Variants in MYZAP observed in about 807,000 individuals in gnomAD.
MYZAP encodes the protein myocardial zonula adherens protein, also known as GRINL1A complex locus upstream.
Under a neutral mutation model 69.4 loss-of-function variants are expected in MYZAP, and 66 were observed. That is an observed-to-expected ratio of 0.95 (90% CI 0.78 to 1.17). The LOEUF (loss-of-function observed/expected upper bound fraction) is 1.17. Among genes scored for constraint, MYZAP ranks in the 50% most tolerant of loss-of-function variants. The pLI is 0.00. For synonymous variants in MYZAP, 256 were observed against 205.9 expected (o/e 1.24, Z -2.09); for missense variants, 611 against 556.2 (o/e 1.10, Z -0.99).
chr15:57,636,430 C>G (rs939962717), intron 8 of MYZAP, among the ~76,000 whole-genome samples: 4 of 152,204 alleles, frequency 2.6e-5, no homozygotes, highest in Non-Finnish European at 4.4e-5. Context: ...CTGCTTATAG[C>G]TTCAGAAGTT....
At chr15:57,643,618 G>A (rs1340574990) in intron 10 of MYZAP, among the ~76,000 whole-genome samples, 1 of 152,196 alleles carries the variant, frequency 6.6e-6, no homozygotes, top group African/African-American at 2.4e-5. Context: ...CTGCCAAGGG[G>A]AAAGTGATCT....
At chr15:57,611,464 G>C (rs58496976) in intron 2 of MYZAP, among the ~76,000 whole-genome samples, 2 of 151,892 alleles carry the variant, frequency 1.3e-5, no homozygotes, top group Non-Finnish European at 2.9e-5. Flanking sequence ...TCCCTTTTCC[G>C]CGGGGGTTAT....
rs774321796 is a variant in MYZAP at position 57,625,917 on chromosome 15, C to G, written c.525+25C>G. 1.3e-5 allele frequency: 20 copies of G among 1,599,732 alleles called. No homozygotes were observed. In the African/African-American group the frequency reaches 2.5e-4, roughly 20 times the overall value. On this transcript the variant is annotated intron_variant, in intron 5 of 12. Transcript: ENST00000267853. ...GGTACTCATCTGCTTACTGCTATGA[C>G]AGGGCAACCCAGCTTAATCAAGAGT...
chr15:57,611,430 AT>A (rs1242860395), intron 2 of MYZAP, among the ~76,000 whole-genome samples: 2 of 151,656 alleles, frequency 1.3e-5, no homozygotes, highest in Non-Finnish European at 2.9e-5. Context: ...GCAGTTCCTG[AT>A]TTTTTTTTCT....
chr15:57,622,815 T>C (rs2035899810), intron 4 of MYZAP, among the ~76,000 whole-genome samples: 1 of 152,218 alleles, frequency 6.6e-6, no homozygotes, highest in African/African-American at 2.4e-5. Flanking sequence ...TTTCTTATTA[T>C]GATATAAAAT....
At chr15:57,659,025 G>T (rs1476501492) in intron 10 of MYZAP, among the ~76,000 whole-genome samples, 2 of 152,132 alleles carry the variant, frequency 1.3e-5, no homozygotes, top group Non-Finnish European at 2.9e-5. Context: ...TTCCAAGTAA[G>T]GAGTTGATGC....
intron 10 of MYZAP, among the ~76,000 whole-genome samples, chr15:57,642,891 G>T (rs191503920): frequency 8.5e-5 from 13 of 152,294 alleles, no homozygotes; most frequent in Non-Finnish European, 4.4e-5. Flanking sequence ...CTCATGGTGG[G>T]GGTGAGCCCT....
Position 57,623,531 on chromosome 15 carries a change from G to A in MYZAP, c.411+1831G>A, listed in dbSNP as rs183196819. Among the ~76,000 whole-genome samples the A allele has an allele frequency of 2.1e-3, 318 of 152,156 alleles. 2 individuals carry two copies. The highest frequency in any genetic ancestry group is 6.6e-3 in the African/African-American group (273 of 41,516). On this transcript the variant is annotated intron_variant, in intron 4 of 12. Coordinates refer to ENST00000267853, the MANE Select transcript of MYZAP (RefSeq NM_001018100.5). Reference sequence around the variant, plus strand: ...GTGGATCATTTGAGGTCAGGAGTTCGAGACCAGCCTGGCCAATGTGGTGAA... The same window carrying A: ...GTGGATCATTTGAGGTCAGGAGTTCAAGACCAGCCTGGCCAATGTGGTGAA...
intron 1 of MYZAP, among the ~76,000 whole-genome samples, chr15:57,601,691 GA>G (rs2034425251): frequency 6.6e-6 from 1 of 152,130 alleles, no homozygotes; most frequent in South Asian, 2.1e-4. Flanking sequence ...GTCCCTGGGG[GA>G]TGATGCTTGC....
At chr15:57,675,494 G>A (rs1192507539) in intron 12 of MYZAP, among the ~76,000 whole-genome samples, 2 of 152,286 alleles carry the variant, frequency 1.3e-5, no homozygotes, top group South Asian at 2.1e-4. Flanking sequence ...AGGGGCATCC[G>A]AGGTGCTTTA....
At chr15:57,678,506 C>CA (rs1454078254) in intron 12 of MYZAP, among the ~76,000 whole-genome samples, 111 of 152,068 alleles carry the variant, frequency 7.3e-4, no homozygotes, top group African/African-American at 2.5e-3. Context: ...ATATAAAATA[C>CA]AAAAAAATCT....
chr15:57,653,316 T>A (rs936985061), intron 10 of MYZAP, among the ~76,000 whole-genome samples: 1 of 152,192 alleles, frequency 6.6e-6, no homozygotes, highest in South Asian at 2.1e-4. Context: ...TTTGACAATT[T>A]CGCAAGGAAA....
intron 2 of MYZAP, among the ~76,000 whole-genome samples, chr15:57,613,272 C>A (rs1436769262): frequency 6.6e-6 from 1 of 152,094 alleles, no homozygotes; most frequent in African/African-American, 2.4e-5. Context: ...AGTATTGTTT[C>A]ATGCCCAGGA....
At chr15:57,593,692 G>A (rs1477258989) in intron 1 of MYZAP, among the ~76,000 whole-genome samples, 1 of 152,184 alleles carries the variant, frequency 6.6e-6, no homozygotes, top group African/African-American at 2.4e-5. Context: ...GAATAAGATG[G>A]CAGACGTATT....
chr15:57,658,307 G>T (rs1386237147), intron 10 of MYZAP, among the ~76,000 whole-genome samples: 1 of 152,068 alleles, frequency 6.6e-6, no homozygotes, highest in East Asian at 1.9e-4. Flanking sequence ...GTGCATCTCT[G>T]AACATATGGA....
chr15:57,604,587 G>A (rs1476696244), intron 2 of MYZAP, among the ~76,000 whole-genome samples: 1 of 152,200 alleles, frequency 6.6e-6, no homozygotes, highest in Non-Finnish European at 1.5e-5. Flanking sequence ...GAACACTATG[G>A]CTTTGTGTTA....
intron 8 of MYZAP, among the ~76,000 whole-genome samples, chr15:57,636,746 C>CT (rs1421209802): frequency 1.3e-5 from 2 of 152,112 alleles, no homozygotes; most frequent in African/African-American, 4.8e-5. Flanking sequence ...ATTCCAGACT[C>CT]TTTTTTGGGC....
chr15:57,619,124 C>T (rs894345276), intron 3 of MYZAP, among the ~76,000 whole-genome samples: 15 of 152,124 alleles, frequency 9.9e-5, no homozygotes, highest in Admixed American at 2.6e-4. Context: ...GCTTTGTGAG[C>T]CCCATTTTAT....
chr15:57,679,581 C>A (rs527664693), intron 12 of MYZAP, among the ~76,000 whole-genome samples: 6 of 152,230 alleles, frequency 3.9e-5, no homozygotes, highest in African/African-American at 1.2e-4. Flanking sequence ...GATTCCTCAG[C>A]CTATTTCCTA....
Sources: allele counts gnomAD v4.1 joint callset (sites outside exome capture counted in the v4.1 genomes callset), GRCh38; gene constraint gnomAD v4.1.1; transcripts MANE v1.5; gene names NCBI Gene and HGNC (gene_info 2026-07-23, HGNC 2026-07-21).